Variants in TCTN3 observed in about 807,000 individuals in gnomAD.
The protein encoded by TCTN3 is tectonic-3.
A neutral mutation model predicts 71.3 loss-of-function variants in TCTN3; 57 were observed. The observed-to-expected ratio is 0.80, with a 90% CI of 0.65 to 1.00. The LOEUF is 1.00. TCTN3 is among the 50% of genes least tolerant of loss of function. The pLI is 0.00. For synonymous variants in TCTN3, 258 were observed against 267.8 expected (o/e 0.96, Z 0.36); for missense variants, 696 against 719.9 (o/e 0.97, Z 0.38).
intron 8 of TCTN3, among the ~76,000 whole-genome samples, chr10:95,685,049 T>C (rs888543087): frequency 1.3e-5 from 2 of 152,246 alleles, no homozygotes; most frequent in African/African-American, 4.8e-5. Context: ...TTTCTGAGCA[T>C]AGTCTTTAAG....
At chr10:95,678,061 C>G (rs2097939171) in intron 13 of TCTN3, among the ~76,000 whole-genome samples, 1 of 152,216 alleles carries the variant, frequency 6.6e-6, no homozygotes, top group Non-Finnish European at 1.5e-5. Flanking sequence ...CTGACCAACA[C>G]AGCCTAGGTA....
chr10:95,671,682 CCTT>C (rs1438652704), intron 13 of TCTN3, among the ~76,000 whole-genome samples: 1 of 152,148 alleles, frequency 6.6e-6, no homozygotes, highest in Non-Finnish European at 1.5e-5. Flanking sequence ...TGTAAGAGTT[CCTT>C]ATTTTACATA....
At chr10:95,664,367 GTTA>G in intron 13 of TCTN3, 67 bp from the exon 14 acceptor site, 4 of 1,319,932 alleles carry the variant, frequency 3.0e-6, no homozygotes, top group South Asian at 1.2e-5. Flanking sequence ...TAACTTGGCT[GTTA>G]TTATTACTTT....
chr10:95,685,745 CT>C (rs1589616870), intron 7 of TCTN3, 109 bp from the exon 8 acceptor site: 1 of 259,466 alleles, frequency 3.9e-6, no homozygotes, highest in Non-Finnish European at 6.0e-6. Flanking sequence ...CTTGACCACC[CT>C]CTCTCTCTCT....
Position 95,693,834 on chromosome 10 carries a change from A to T in TCTN3, c.66T>A (p.Pro22=), listed in dbSNP as rs1170021821. Residue 22 remains proline (P), a synonymous_variant, in exon 1 of 14, where the codon CCT becomes CCA. Transcript: ENST00000371217. ...FFLVFPDGVR[P]QPSSSPSGAV... is the part of the protein sequence containing the mutation. The stretch of plus-strand genomic sequence containing the variant: ...CCCCTGATGGGGAGGAAGAGGGCTG[A>T]GGCCGGACGCCATCGGGGAACACCA... The T allele has an allele frequency of 1.3e-6, 2 of 1,551,714 alleles. No individual in the cohort carries two copies. The highest frequency in any genetic ancestry group is 1.7e-6 in the Non-Finnish European group (2 of 1,146,992).
At chr10:95,675,392 G>A (rs548675889) in intron 13 of TCTN3, among the ~76,000 whole-genome samples, 14 of 151,994 alleles carry the variant, frequency 9.2e-5, no homozygotes, top group African/African-American at 3.1e-4. Context: ...ATGCCTGGCC[G>A]GTTATATATT....
At chr10:95,686,559 C>T in intron 6 of TCTN3, 29 bp from the exon 7 acceptor site, 1 of 1,607,670 alleles carries the variant, frequency 6.2e-7, no homozygotes, top group Non-Finnish European at 8.5e-7. Flanking sequence ...CATGAATGTG[C>T]ATATACCTTA....
In TCTN3 at chr10:95,693,741, C is replaced by T. The variant is rs540555381; in HGVS notation, c.159G>A (p.Ala53=). Residue 53 remains alanine (A), a synonymous_variant, in exon 1 of 14, where the codon GCG becomes GCA. Transcript: ENST00000371217. The part of the protein sequence containing the change: ...DGGTLQSPSE[A]TATRPAVPGL... ...CAGGCACGGCCGGGCGAGTTGCAGTCGCCTCTGAAGGGGACTGGAGGGTTC... is the reference window on the plus strand; with the variant it reads ...CAGGCACGGCCGGGCGAGTTGCAGTTGCCTCTGAAGGGGACTGGAGGGTTC... 2.2e-5 allele frequency: 34 copies of T among 1,551,632 alleles called. No individual in the cohort carries two copies. The African/African-American group carries it at 2.7e-4, about 12-fold the overall frequency.
chr10:95,682,557 A>G, intron 12 of TCTN3, 94 bp downstream of exon 12: 1 of 1,406,714 alleles, frequency 7.1e-7, no homozygotes, highest in Non-Finnish European at 9.6e-7. Context: ...CAAATGCATT[A>G]TCTATGGAGA....
intron 13 of TCTN3, among the ~76,000 whole-genome samples, chr10:95,676,802 T>C (rs1336433465): frequency 1.3e-5 from 2 of 152,204 alleles, no homozygotes; most frequent in Admixed American, 1.3e-4. Flanking sequence ...ATAATAATGA[T>C]ATCAAGAGTA....
intron 13 of TCTN3, among the ~76,000 whole-genome samples, chr10:95,665,201 T>C (rs2097924588): frequency 6.6e-6 from 1 of 152,182 alleles, no homozygotes; most frequent in Non-Finnish European, 1.5e-5. Flanking sequence ...CTTGACCTCC[T>C]GGGCTCAAGT....
At chr10:95,689,710 T>A (rs2097951873) in intron 3 of TCTN3, among the ~76,000 whole-genome samples, 1 of 152,212 alleles carries the variant, frequency 6.6e-6, no homozygotes, top group African/African-American at 2.4e-5. Context: ...ATTTCTACCA[T>A]CACAGATGAT....
intron 13 of TCTN3, among the ~76,000 whole-genome samples, chr10:95,671,030 GTTTTA>G (rs1387371031): frequency 6.6e-6 from 1 of 152,140 alleles, no homozygotes; most frequent in Non-Finnish European, 1.5e-5. Flanking sequence ...TATATTCAGT[GTTTTA>G]TTTTGATTCT....
rs1460350229 is a variant in TCTN3 at position 95,693,357 on chromosome 10, C to A, written c.376G>T (p.Val126Leu). 6.4e-7 allele frequency: 1 copy of A among 1,551,808 alleles called. No homozygotes were observed. Among genetic ancestry groups the A allele is most frequent in the South Asian group, 1.2e-5 (1 of 84,066 alleles). ...TVFSFCLPGSVRSSSWVCVDN... is the reference protein window; with the variant it reads ...TVFSFCLPGSLRSSSWVCVDN... ...AGTCTGAGCAACGAAGCTCACCTTA[C>A]GCTGCCTGGAAGGCAGAAGGAGAAA... The change falls in exon 2 of 14, where the codon GTA becomes TTA. Residue 126 changes from valine to leucine, a missense_variant. Val to Leu is a conservative substitution (Grantham distance 32). Transcript: ENST00000371217.
rs749444440 is a variant in TCTN3 at position 95,693,860 on chromosome 10, G to C, written c.40C>G (p.Leu14Val). The change falls in exon 1 of 14, where the codon CTG (leucine) becomes GTG (valine). Residue 14 changes from leucine to valine, a missense_variant. Coordinates refer to ENST00000371217, the MANE Select transcript of TCTN3 (RefSeq NM_015631.6). ...PQLALLQVFF[L>V]VFPDGVRPQP... is the part of the protein sequence containing the mutation. The stretch of plus-strand genomic sequence containing the variant: ...GGCCGGACGCCATCGGGGAACACCA[G>C]AAAGAACACTTGCAGGAGCGCGAGC... 2.6e-6 allele frequency: 4 copies of C among 1,551,716 alleles called. No individual in the cohort carries two copies. The South Asian group carries it at 4.8e-5, about 18-fold the overall frequency.
chr10:95,685,170 T>A (rs1462519239), intron 8 of TCTN3, among the ~76,000 whole-genome samples: 1 of 152,162 alleles, frequency 6.6e-6, no homozygotes, highest in Non-Finnish European at 1.5e-5. Context: ...GTCAAGAGAA[T>A]AAAATGTGGT....
chr10:95,668,975 G>A (rs924272080), intron 13 of TCTN3, among the ~76,000 whole-genome samples: 3 of 152,276 alleles, frequency 2.0e-5, no homozygotes, highest in South Asian at 4.1e-4. Context: ...TTAGCTCAAA[G>A]AAAACTAAGA....
intron 13 of TCTN3, among the ~76,000 whole-genome samples, chr10:95,679,644 T>G (rs1459453985): frequency 1.4e-5 from 2 of 138,276 alleles, no homozygotes; most frequent in Non-Finnish European, 3.0e-5. Context: ...CAGGCTGGAG[T>G]GCAGTGGCGG....
At chr10:95,674,122 TTA>T (rs2097934329) in intron 13 of TCTN3, among the ~76,000 whole-genome samples, 1 of 152,174 alleles carries the variant, frequency 6.6e-6, no homozygotes, top group African/African-American at 2.4e-5. Context: ...TTCTAGGATT[TTA>T]TTGGGTCTGC....
Sources: allele counts gnomAD v4.1 joint callset (sites outside exome capture counted in the v4.1 genomes callset), GRCh38; gene constraint gnomAD v4.1.1; transcripts MANE v1.5; gene names NCBI Gene and HGNC (gene_info 2026-07-23, HGNC 2026-07-21).